CNTN6: variants seen among roughly 807,000 people sequenced by gnomAD.
CNTN6 encodes contactin-6.
In CNTN6, 137 loss-of-function variants were observed where a neutral mutation model predicts 122.8. That is an observed-to-expected ratio of 1.12 (90% CI 0.97 to 1.29). The LOEUF (loss-of-function observed/expected upper bound fraction) is 1.29. CNTN6 is among the 50% of genes most tolerant of loss of function. The pLI is 0.00. For missense variants in CNTN6, 1,634 were observed against 1,223.4 expected, an observed-to-expected ratio of 1.34 and a Z score of -5.01; for synonymous variants, 570 against 426.0, an observed-to-expected ratio of 1.34 and a Z score of -4.16.
chr3:1,278,885 A>ATTGT (rs1240844938), intron 5 of CNTN6, among the ~76,000 whole-genome samples: 3 of 152,104 alleles, frequency 2.0e-5, no homozygotes, highest in African/African-American at 7.2e-5. Flanking sequence ...AGAGACATTA[A>ATTGT]CTGTTTGTTT....
At chr3:1,107,773 A>G (rs1478875976) in intron 1 of CNTN6, among the ~76,000 whole-genome samples, 3 of 152,072 alleles carry the variant, frequency 2.0e-5, no homozygotes, top group Non-Finnish European at 2.9e-5. Flanking sequence ...CGACAGACCA[A>G]TATCTATAAG....
At chr3:1,402,188 T>C in intron 21 of CNTN6, 130 bp from the exon 22 acceptor site, 2 of 633,684 alleles carry the variant, frequency 3.2e-6, no homozygotes, top group Non-Finnish European at 4.9e-6. Context: ...AAGACATCAC[T>C]TGGATATTTC....
chr3:1,230,644 C>G (rs913136707), intron 4 of CNTN6, among the ~76,000 whole-genome samples: 2 of 152,156 alleles, frequency 1.3e-5, no homozygotes, highest in Admixed American at 1.3e-4. Flanking sequence ...CAGTTGCTAT[C>G]ATTGCCCCCA....
At chr3:1,389,645 T>G (rs1693787550) in intron 20 of CNTN6, among the ~76,000 whole-genome samples, 1 of 148,798 alleles carries the variant, frequency 6.7e-6, no homozygotes, top group Admixed American at 6.7e-5. Flanking sequence ...TCAAGACCCA[T>G]CAGTGTGCTG....
intron 4 of CNTN6, among the ~76,000 whole-genome samples, chr3:1,245,540 G>T (rs991531046): frequency 1.3e-5 from 2 of 149,666 alleles, no homozygotes; most frequent in African/African-American, 4.9e-5. Context: ...TGGGGGAAAG[G>T]GTGGGGGTTG....
chr3:1,267,821 A>G (rs541549933), intron 4 of CNTN6, among the ~76,000 whole-genome samples: 14 of 152,200 alleles, frequency 9.2e-5, no homozygotes, highest in African/African-American at 3.1e-4. Flanking sequence ...CTGCAATGGC[A>G]ATGGAATATA....
At chr3:1,376,953 T>G in intron 16 of CNTN6, 52 bp from the exon 17 acceptor site, 2 of 1,236,062 alleles carry the variant, frequency 1.6e-6, no homozygotes, top group Non-Finnish European at 2.3e-6. Flanking sequence ...TTCTTCCTGA[T>G]GAAGACGTAC....
chr3:1,332,561 GGAAA>G (rs757701295), intron 11 of CNTN6, among the ~76,000 whole-genome samples: 98 of 147,224 alleles, frequency 6.7e-4, no homozygotes, highest in Admixed American at 2.0e-3. Context: ...AGAAAGAGGG[GGAAA>G]GAAAGAAAGA....
chr3:1,286,430 G>T (rs574735126), intron 5 of CNTN6, among the ~76,000 whole-genome samples: 2 of 152,086 alleles, frequency 1.3e-5, no homozygotes, highest in Non-Finnish European at 2.9e-5. Context: ...TCTCACTTAT[G>T]AGTGAAAACC....
At chr3:1,309,820 T>C (rs1698954672) in intron 7 of CNTN6, among the ~76,000 whole-genome samples, 2 of 152,178 alleles carry the variant, frequency 1.3e-5, no homozygotes, top group Admixed American at 6.6e-5. Context: ...TGAGATTGTA[T>C]AGTTTTCTGC....
At chr3:1,398,686 TATCTC>T (rs1299816810) in intron 20 of CNTN6, among the ~76,000 whole-genome samples, 5 of 151,938 alleles carry the variant, frequency 3.3e-5, no homozygotes, top group Non-Finnish European at 4.4e-5. Context: ...TTTTATTTCA[TATCTC>T]ATAAATTAGG....
chr3:1,359,119 T>C (rs1707077195), intron 12 of CNTN6, among the ~76,000 whole-genome samples: 2 of 152,040 alleles, frequency 1.3e-5, no homozygotes, highest in Non-Finnish European at 2.9e-5. Flanking sequence ...CAGCATGAAG[T>C]TACTATTGGA....
chr3:1,267,757 G>A (rs114632541), intron 4 of CNTN6, among the ~76,000 whole-genome samples: 102 of 151,842 alleles, frequency 6.7e-4, no homozygotes, highest in Non-Finnish European at 8.4e-4. Flanking sequence ...GTTTTTTGGC[G>A]TCCTGGGAAT....
intron 13 of CNTN6, 49 bp downstream of exon 13, chr3:1,372,523 T>G (rs1709196702): frequency 4.2e-6 from 6 of 1,422,302 alleles, no homozygotes; most frequent in Non-Finnish European, 5.7e-6. Flanking sequence ...TCAAGTCTTT[T>G]ACATGAATCA....
intron 2 of CNTN6, among the ~76,000 whole-genome samples, chr3:1,202,368 G>A (rs1040128382): frequency 2.0e-5 from 3 of 151,684 alleles, no homozygotes; most frequent in African/African-American, 7.3e-5. Context: ...GTGAAACCGC[G>A]TCTCTACTAA....
At chr3:1,393,508 G>A (rs1357200682) in intron 20 of CNTN6, among the ~76,000 whole-genome samples, 2 of 143,326 alleles carry the variant, frequency 1.4e-5, no homozygotes, top group Non-Finnish European at 3.0e-5. Context: ...GTATACATAT[G>A]TAACTAACCT....
At chr3:1,378,214 A>T (rs1010771208) in intron 17 of CNTN6, among the ~76,000 whole-genome samples, 3 of 152,138 alleles carry the variant, frequency 2.0e-5, no homozygotes, top group African/African-American at 7.2e-5. Context: ...AGTGCAATGC[A>T]TACCCACTTA....
chr3:1,317,993 A>G (rs1348373990), intron 7 of CNTN6, among the ~76,000 whole-genome samples: 1 of 151,706 alleles, frequency 6.6e-6, no homozygotes, highest in Non-Finnish European at 1.5e-5. Flanking sequence ...TTTAAAGCCC[A>G]GTACTGTACC....
At chr3:1,267,176 CTG>C (rs2094940077) in intron 4 of CNTN6, among the ~76,000 whole-genome samples, 1 of 152,028 alleles carries the variant, frequency 6.6e-6, no homozygotes, top group African/African-American at 2.4e-5. Context: ...AGGGCAGACT[CTG>C]TTTGCTTGCT....
Sources: gnomAD v4.1 joint callset for allele counts (sites outside exome capture counted in the v4.1 genomes callset) on GRCh38, gnomAD v4.1.1 for gene constraint, MANE v1.5 for transcripts, NCBI Gene and HGNC (gene_info 2026-07-23, HGNC 2026-07-21) for gene names.